TRAPPC12: variants seen among roughly 807,000 people sequenced by gnomAD.
TRAPPC12 encodes the protein TPR repeat protein 15.
Under a neutral mutation model 69.2 loss-of-function variants are expected in TRAPPC12, and 61 were observed. The observed-to-expected ratio is 0.88, with a 90% CI of 0.72 to 1.09. The LOEUF (loss-of-function observed/expected upper bound fraction) is 1.09. Among genes scored for constraint, TRAPPC12 ranks in the 50% least tolerant of loss-of-function variants. The pLI, the probability that TRAPPC12 is intolerant of heterozygous loss-of-function variation, is 0.00. For synonymous variants in TRAPPC12, 469 were observed against 438.9 expected (o/e 1.07, Z -0.86); for missense variants, 1,101 against 1,016.4 (o/e 1.08, Z -1.13).
In TRAPPC12 at chr2:3,443,855, G is replaced by C; in HGVS notation, c.1494G>C (p.Leu498=). 6.2e-7 allele frequency: 1 copy of C among 1,614,102 alleles called. No individual in the cohort carries two copies. The highest frequency in any genetic ancestry group is 8.5e-7 in the Non-Finnish European group (1 of 1,180,026). The change falls in exon 6 of 12, where the codon CTG becomes CTC. Residue 498 remains leucine (L), a synonymous_variant. Transcript: ENST00000324266. ...QQYLGNPQES[L]DRLHKVKTVC... The stretch of plus-strand genomic sequence containing the variant: ...ACCTGGGGAACCCACAGGAGTCGCT[G>C]GATAGACTGCACAAGGTGAAGACTG...
rs572892346 is a variant in TRAPPC12 at position 3,383,611 on chromosome 2, C to G, written c.-5+3735C>G. On this transcript the variant is annotated intron_variant, in intron 1 of 11. Transcript: ENST00000324266. ...TAGTAGAGACGGGGTTTTACCATGT[C>G]GGCCAGGCTCATCTTGAACTCCTGA... 4.6e-5 allele frequency among the ~76,000 whole-genome samples: 7 copies of G among 150,938 alleles called. No individual in the cohort carries two copies. The East Asian group carries it at 1.4e-3, about 30-fold the overall frequency.
At chr2:3,457,066 G>A (rs187847939) in intron 6 of TRAPPC12, 17 of 462,396 alleles carry the variant, frequency 3.7e-5, no homozygotes, top group Non-Finnish European at 6.6e-5. Flanking sequence ...CCCTGTGGGC[G>A]AACGGGATAA....
chr2:3,426,153 G>T (rs1217542449), intron 5 of TRAPPC12, among the ~76,000 whole-genome samples: 1 of 152,056 alleles, frequency 6.6e-6, no homozygotes, highest in Non-Finnish European at 1.5e-5. Flanking sequence ...TAGTCTCACT[G>T]GTATTAAAAT....
At chr2:3,442,477 GAA>G (rs1664277235) in intron 5 of TRAPPC12, among the ~76,000 whole-genome samples, 2 of 152,182 alleles carry the variant, frequency 1.3e-5, no homozygotes, top group South Asian at 4.1e-4. Context: ...GGATGGTCTA[GAA>G]ATGTTTATTT....
At chr2:3,456,084 G>GT (rs1190707681) in intron 6 of TRAPPC12, 1 of 152,118 alleles carries the variant, frequency 6.6e-6, no homozygotes, top group Non-Finnish European at 1.5e-5. Context: ...GAAGAATGTC[G>GT]TTTTACCTAG....
chr2:3,411,082 G>C (rs1479949812), intron 3 of TRAPPC12, among the ~76,000 whole-genome samples: 1 of 152,198 alleles, frequency 6.6e-6, no homozygotes, highest in Non-Finnish European at 1.5e-5. Flanking sequence ...GCTTTGTGTG[G>C]CATCACAGAA....
chr2:3,479,277 G>A lies in TRAPPC12; in HGVS notation c.2024G>A (p.Arg675Gln), dbSNP rs201380495. 2.8e-5 allele frequency: 46 copies of A among 1,614,136 alleles called. No homozygotes were observed. Among genetic ancestry groups the A allele is most frequent in the East Asian group, 8.9e-5 (4 of 44,884 alleles). ...CTGGGCAAGCTCAAGGACTCCCTGC[G>A]GCAGCTGGAGGCCATGGTCCAGCAG... ...LYLGKLKDSLRQLEAMVQQDP... is the reference protein window; with the variant it reads ...LYLGKLKDSLQQLEAMVQQDP... The change falls in exon 12 of 12, where the codon CGG becomes CAG. Residue 675 changes from arginine (R) to glutamine (Q), a missense_variant. Arg to Gln is a conservative substitution (Grantham distance 43). Transcript: ENST00000324266.
At chr2:3,423,228 C>T (rs1473945832) in intron 4 of TRAPPC12, among the ~76,000 whole-genome samples, 2 of 152,120 alleles carry the variant, frequency 1.3e-5, no homozygotes, top group African/African-American at 4.8e-5. Flanking sequence ...TTCATCTTCT[C>T]GTGTTGTATG....
intron 2 of TRAPPC12, among the ~76,000 whole-genome samples, chr2:3,398,088 G>C (rs113713956): frequency 6.6e-6 from 1 of 152,342 alleles, no homozygotes; most frequent in African/African-American, 2.4e-5. Context: ...GCAAATTACT[G>C]CTGCTTTTTA....
At chr2:3,425,410 A>G (rs1280836033) in intron 5 of TRAPPC12, among the ~76,000 whole-genome samples, 1 of 152,204 alleles carries the variant, frequency 6.6e-6, no homozygotes, top group African/African-American at 2.4e-5. Flanking sequence ...CCCCAGTTAC[A>G]TCCTGCTTCC....
chr2:3,460,045 G>C, intron 7 of TRAPPC12: 1 of 627,098 alleles, frequency 1.6e-6, no homozygotes, highest in Non-Finnish European at 2.9e-6. Context: ...CTCTGATGCC[G>C]AGGGTCTCTT....
chr2:3,418,885 G>A (rs1175299438), intron 3 of TRAPPC12, among the ~76,000 whole-genome samples: 4 of 152,126 alleles, frequency 2.6e-5, no homozygotes, highest in East Asian at 3.8e-4. Context: ...CAGCACACCC[G>A]ACCCTCCTCT....
At chr2:3,476,793 C>T (rs1666309874) in intron 9 of TRAPPC12, among the ~76,000 whole-genome samples, 1 of 152,190 alleles carries the variant, frequency 6.6e-6, no homozygotes, top group Non-Finnish European at 1.5e-5. Flanking sequence ...GAGCCGCGCG[C>T]ATTCAGCTTG....
chr2:3,382,858 G>A (rs962006431), intron 1 of TRAPPC12, among the ~76,000 whole-genome samples: 8 of 152,196 alleles, frequency 5.3e-5, no homozygotes, highest in African/African-American at 1.7e-4. Context: ...CCAGAAGATC[G>A]AGGCTGCAGT....
At chr2:3,471,590 A>G (rs1364002661) in intron 9 of TRAPPC12, among the ~76,000 whole-genome samples, 1 of 152,192 alleles carries the variant, frequency 6.6e-6, no homozygotes, top group Admixed American at 6.5e-5. Context: ...GGGAATTTCC[A>G]GTTCTGAAGG....
chr2:3,477,292 C>T (rs539689786), intron 9 of TRAPPC12, among the ~76,000 whole-genome samples: 2 of 152,362 alleles, frequency 1.3e-5, no homozygotes, highest in South Asian at 4.1e-4. Flanking sequence ...GTGGCACCTA[C>T]CATTTTACTA....
chr2:3,380,233 G>C (rs1233805144), intron 1 of TRAPPC12, among the ~76,000 whole-genome samples: 4 of 151,914 alleles, frequency 2.6e-5, no homozygotes, highest in Admixed American at 2.0e-4. Flanking sequence ...CTTGGTGCCA[G>C]CCAGGCCCCC....
At chr2:3,465,416 G>A (rs1479381766) in intron 8 of TRAPPC12, among the ~76,000 whole-genome samples, 181 bp from the exon 9 acceptor site, 2 of 152,284 alleles carry the variant, frequency 1.3e-5, no homozygotes, top group South Asian at 4.1e-4. Context: ...GACTGCAGTC[G>A]GGAGAGCAGC....
intron 2 of TRAPPC12, among the ~76,000 whole-genome samples, chr2:3,394,557 G>T (rs2103449137): frequency 6.6e-6 from 1 of 152,114 alleles, no homozygotes; most frequent in African/African-American, 2.4e-5. Flanking sequence ...GGAAGCAGAG[G>T]TTGCAGTGAG....
Sources: allele counts gnomAD v4.1 joint callset (sites outside exome capture counted in the v4.1 genomes callset), GRCh38; gene constraint gnomAD v4.1.1; transcripts MANE v1.5; gene names NCBI Gene and HGNC (gene_info 2026-07-23, HGNC 2026-07-21).